Variants in FHIT observed in about 807,000 individuals in gnomAD.
The protein encoded by FHIT is fragile histidine triad diadenosine triphosphatase, also known as bis(5'-adenosyl)-triphosphatase.
Under a neutral mutation model 17.9 loss-of-function variants are expected in FHIT, and 19 were observed. The ratio of observed to expected loss-of-function variants is 1.06; its 90% CI spans 0.74 to 1.56. FHIT has a LOEUF of 1.56. Ranked by LOEUF, FHIT falls within the 40% of genes most tolerant of loss-of-function variation. The pLI is 0.00. For synonymous variants in FHIT, 81 were observed against 69.7 expected, an observed-to-expected ratio of 1.16 and a Z score of -0.81; for missense variants, 248 against 189.2, an observed-to-expected ratio of 1.31 and a Z score of -1.82.
In FHIT at chr3:60,110,477, A is replaced by T. The variant is rs1374511880; in HGVS notation, c.104-96325T>A. Among the ~76,000 whole-genome samples the T allele has an allele frequency of 2.0e-5, 3 of 152,196 alleles. No individual in the cohort carries two copies. In the East Asian group the frequency reaches 5.8e-4, roughly 29 times the overall value. On this transcript the variant is annotated intron_variant, in intron 5 of 9. Transcript: ENST00000492590. ...TCTTCTCACCCTAATGAATCCAAAG[A>T]TCACCAAATAGACACCAGTTTATGG...
intron 5 of FHIT, among the ~76,000 whole-genome samples, chr3:60,266,986 G>A (rs1410679167): frequency 1.3e-5 from 2 of 152,054 alleles, no homozygotes; most frequent in Non-Finnish European, 2.9e-5. Flanking sequence ...TTCAGCTTTA[G>A]ATGACATTTC....
At chr3:60,638,012 ATCAACT>A (rs2039632133) in intron 4 of FHIT, among the ~76,000 whole-genome samples, 1 of 152,226 alleles carries the variant, frequency 6.6e-6, no homozygotes, top group African/African-American at 2.4e-5. Context: ...GCCAAGACAA[ATCAACT>A]TCAATAAAAA....
rs770609048 is a variant in FHIT at position 60,455,710 on chromosome 3, G to A, written c.103+81150C>T. Among the ~76,000 whole-genome samples the A allele has an allele frequency of 7.2e-5, 11 of 152,108 alleles. No individual in the cohort carries two copies. The Middle Eastern group carries it at 0.014, about 188-fold the overall frequency. On this transcript the variant is annotated intron_variant, in intron 5 of 9. Transcript: ENST00000492590. ...ATGGGAAAATAACTAAAACAAATGA[G>A]TAGCTTCTGCAATTAAGGATCCTGA...
At chr3:60,307,812 A>G (rs374838029) in intron 5 of FHIT, among the ~76,000 whole-genome samples, 242 of 151,776 alleles carry the variant, frequency 1.6e-3, no homozygotes, top group African/African-American at 5.5e-3. Flanking sequence ...GTCTGTGCCC[A>G]GACCCTCAAG....
At chr3:61,141,492 C>T (rs1237276838) in intron 2 of FHIT, among the ~76,000 whole-genome samples, 1 of 152,092 alleles carries the variant, frequency 6.6e-6, no homozygotes, top group Non-Finnish European at 1.5e-5. Flanking sequence ...AATTCTGTAG[C>T]CCAGAGAGAT....
chr3:60,808,233 C>A (rs1701463864), intron 4 of FHIT, among the ~76,000 whole-genome samples: 1 of 152,072 alleles, frequency 6.6e-6, no homozygotes. Context: ...TGATATGTGG[C>A]TAAAAATATT....
chr3:59,873,206 C>A (rs546391182), intron 8 of FHIT, among the ~76,000 whole-genome samples: 2 of 152,148 alleles, frequency 1.3e-5, no homozygotes, highest in African/African-American at 4.8e-5. Context: ...CCTTTAAACC[C>A]ATGCCAAAAT....
At chr3:59,986,495 C>T (rs1708908022) in intron 7 of FHIT, among the ~76,000 whole-genome samples, 2 of 94,850 alleles carry the variant, frequency 2.1e-5, no homozygotes, top group Middle Eastern at 4.6e-3. Flanking sequence ...GAAAGTAGTC[C>T]AAAATATATA....
At chr3:61,220,331 AT>A (rs1198231859) in intron 1 of FHIT, among the ~76,000 whole-genome samples, 2 of 152,250 alleles carry the variant, frequency 1.3e-5, no homozygotes, top group African/African-American at 4.8e-5. Flanking sequence ...ATAATAATAA[AT>A]TAATACTTTA....
intron 5 of FHIT, among the ~76,000 whole-genome samples, chr3:60,414,464 G>GA (rs1316521508): frequency 6.6e-6 from 1 of 152,164 alleles, no homozygotes; most frequent in Non-Finnish European, 1.5e-5. Flanking sequence ...CTAGGACTTG[G>GA]AGTGAGTCTA....
At chr3:59,941,582 G>A (rs1249096459) in intron 7 of FHIT, among the ~76,000 whole-genome samples, 1 of 152,118 alleles carries the variant, frequency 6.6e-6, no homozygotes, top group Admixed American at 6.5e-5. Context: ...ATGTTTTACT[G>A]CCTTGATGCT....
At chr3:59,910,945 T>C (rs1291086912) in intron 8 of FHIT, among the ~76,000 whole-genome samples, 6 of 152,004 alleles carry the variant, frequency 3.9e-5, no homozygotes, top group African/African-American at 1.4e-4. Context: ...CCCAGAAAAA[T>C]TAGAATTCAT....
rs377519146 is a variant in FHIT, at chr3:60,531,736, G to C, written c.103+5124C>G. On this transcript the variant is annotated intron_variant, in intron 5 of 9. Transcript: ENST00000492590. ...CGCTTTTATGTATAGCATCTATTCT[G>C]TAAGAATCACTGTTAAGTAATGAAG... is the stretch of plus-strand genomic sequence containing the variant. Among the ~76,000 whole-genome samples the C allele has an allele frequency of 1.7e-4, 26 of 152,274 alleles. No homozygotes were observed. In the East Asian group the frequency reaches 4.8e-3, roughly 28 times the overall value.
At chr3:61,250,472 A>G (rs1487822001) in intron 1 of FHIT, among the ~76,000 whole-genome samples, 2 of 152,202 alleles carry the variant, frequency 1.3e-5, no homozygotes, top group Admixed American at 6.5e-5. Context: ...CATAACCTCA[A>G]TTTAGATTTC....
In FHIT at chr3:60,069,607, A is replaced by T. The variant is rs1329371217; in HGVS notation, c.104-55455T>A. On this transcript the variant is annotated intron_variant, in intron 5 of 9. Transcript: ENST00000492590. ...ATTTTCAGTTAACCATCATTTTCAT[A>T]GTAAATAATTCAACTAACTATGACA... Among the ~76,000 whole-genome samples, 6 of 152,322 alleles carry T rather than the reference A, an allele frequency of 3.9e-5. No homozygotes were observed. The East Asian group carries it at 1.2e-3, about 29-fold the overall frequency.
At chr3:60,798,846 C>T (rs1701084609) in intron 4 of FHIT, among the ~76,000 whole-genome samples, 1 of 150,930 alleles carries the variant, frequency 6.6e-6, no homozygotes, top group Admixed American at 6.6e-5. Context: ...CAACCTCCTC[C>T]TCCCAGGTTC....
chr3:60,635,083 C>G (rs2039546821), intron 4 of FHIT, among the ~76,000 whole-genome samples: 1 of 138,964 alleles, frequency 7.2e-6, no homozygotes, highest in Non-Finnish European at 1.7e-5. Flanking sequence ...ACCCTAAGAG[C>G]AGGATAATTT....
rs1475951201 is a variant in FHIT at position 60,390,412 on chromosome 3, AAAAAAAAAAAAAAAAAC to A, written c.103+146431_103+146447del. 3.2e-4 allele frequency among the ~76,000 whole-genome samples: 40 copies of A among 124,130 alleles called. 1 individual carries two copies. The highest frequency in any genetic ancestry group is 1.1e-3 in the African/African-American group (38 of 35,122). The allele number at this position is 124,130 out of a possible 152,430, so 81.4% of individuals were successfully genotyped here. ...TAATGGAGCTAAAAAAAAAAAAAAA[AAAAAAAAAAAAAAAAAC>A]CCGTACCCTCTAGTATTTATTACAA... On this transcript the variant is annotated intron_variant, in intron 5 of 9. Transcript: ENST00000492590.
chr3:60,226,738 G>A (rs1437169687), intron 5 of FHIT, among the ~76,000 whole-genome samples: 3 of 152,070 alleles, frequency 2.0e-5, no homozygotes, highest in Non-Finnish European at 4.4e-5. Flanking sequence ...ATGTGTCTAG[G>A]GATAAGAATG....
Sources: allele counts gnomAD v4.1 joint callset (sites outside exome capture counted in the v4.1 genomes callset), GRCh38; gene constraint gnomAD v4.1.1; transcripts MANE v1.5; gene names NCBI Gene and HGNC (gene_info 2026-07-23, HGNC 2026-07-21).